The following KSR2 variants were observed in gnomAD, a reference collection of about 807,000 sequenced individuals.
KSR2 encodes the protein kinase suppressor of ras 2.
Under a neutral mutation model 107.8 loss-of-function variants are expected in KSR2, and 25 were observed. The observed-to-expected ratio is 0.23, with a 90% CI of 0.17 to 0.32. The LOEUF is 0.32. Among genes scored for constraint, KSR2 ranks in the 10% least tolerant of loss-of-function variants. The pLI, the probability that KSR2 is intolerant of heterozygous loss-of-function variation, is 1.00. For synonymous variants in KSR2, 480 were observed against 507.0 expected, an observed-to-expected ratio of 0.95 and a Z score of 0.71; for missense variants, 887 against 1,268.9, an observed-to-expected ratio of 0.70 and a Z score of 4.57.
At chr12:117,546,799 A>G (rs916709056) in intron 9 of KSR2, among the ~76,000 whole-genome samples, 1 of 152,134 alleles carries the variant, frequency 6.6e-6, no homozygotes, top group African/African-American at 2.4e-5. Context: ...TTCTAATTGT[A>G]TGTTCTAAAT....
At chr12:117,527,605 A>C (rs1213187965) in intron 12 of KSR2, among the ~76,000 whole-genome samples, 3 of 152,180 alleles carry the variant, frequency 2.0e-5, no homozygotes, top group African/African-American at 4.8e-5. Context: ...TTGTCTGTTC[A>C]TTCATGCATT....
chr12:117,915,683 C>T lies in KSR2; in HGVS notation c.180+52393G>A, dbSNP rs145641713. Among the ~76,000 whole-genome samples, 268 of 152,296 alleles carry T rather than the reference C, an allele frequency of 1.8e-3. 1 individual carries two copies. Among genetic ancestry groups the T allele is most frequent in the African/African-American group, 5.9e-3 (247 of 41,556 alleles). ...TGGATCCTGACAAGTTTAAAAACTT[C>T]GGCTCGAGATATATTCTAAAAATAT... On this transcript the variant is annotated intron_variant, in intron 1 of 19. Coordinates refer to ENST00000339824, the MANE Select transcript of KSR2 (RefSeq NM_173598.6).
At position 117,690,148 on chromosome 12, in the gene KSR2, C is replaced by T. The variant is rs185337255; in HGVS notation, c.987-22490G>A. 1.1e-3 allele frequency among the ~76,000 whole-genome samples: 161 copies of T among 152,302 alleles called. 1 individual carries two copies. The highest frequency in any genetic ancestry group is 6.8e-3 in the Middle Eastern group (2 of 294). On this transcript the variant is annotated intron_variant, in intron 4 of 19. Coordinates refer to ENST00000339824, the MANE Select transcript of KSR2 (RefSeq NM_173598.6). ...TGGTCCATGGCCACAGTCTTCCAAC[C>T]TCTGGTTTAGAATACCAAGTCCACG...
chr12:117,936,985 GC>G (rs1273930004), intron 1 of KSR2, among the ~76,000 whole-genome samples: 1 of 152,144 alleles, frequency 6.6e-6, no homozygotes, highest in Non-Finnish European at 1.5e-5. Flanking sequence ...TCCTCCATCT[GC>G]CCCCAGCCTC....
intron 3 of KSR2, among the ~76,000 whole-genome samples, chr12:117,803,755 C>T (rs1023857680): frequency 6.6e-6 from 1 of 152,174 alleles, no homozygotes; most frequent in Admixed American, 6.5e-5. Context: ...TTATTGAGCA[C>T]TAGCTACGAT....
chr12:117,534,975 C>T (rs112057277), intron 10 of KSR2, among the ~76,000 whole-genome samples: 125 of 152,256 alleles, frequency 8.2e-4, no homozygotes, highest in African/African-American at 2.6e-3. Flanking sequence ...CAATGAAGCC[C>T]GTTTTGGACA....
rs868667085 is a variant in KSR2, at chr12:117,524,945, C to T, written c.2126G>A (p.Arg709Gln). ...TGTCTGCCTGTAGGCCATCACCTCC[C>T]GCTTGAAGGCCTTGAGCTGGTCCTC... Reference protein sequence around the residue: ...DNEDQLKAFKREVMAYRQTRH... With the variant: ...DNEDQLKAFKQEVMAYRQTRH... Residue 709 changes from arginine (R) to glutamine (Q), a missense_variant, in exon 14 of 20, where the codon CGG becomes CAG. Transcript: ENST00000339824. 6 of 1,613,736 alleles carry T rather than the reference C, an allele frequency of 3.7e-6. No homozygotes were observed. Among genetic ancestry groups the T allele is most frequent in the Non-Finnish European group, 4.2e-6 (5 of 1,179,858 alleles).
intron 1 of KSR2, among the ~76,000 whole-genome samples, chr12:117,892,282 C>T (rs1462529578): frequency 1.3e-5 from 2 of 152,136 alleles, no homozygotes; most frequent in Non-Finnish European, 2.9e-5. Flanking sequence ...CCAGTCTGGG[C>T]AACAAGAGCA....
chr12:117,968,312 G>GGGC lies in KSR2; in HGVS notation c.-58_-57insGCC. ...TCCTCCCAGAGAGAAAAAAGAGGGG[G>GGGC]GGGAGTAGAGGTAGTCTACCCTCCG... is the stretch of plus-strand genomic sequence containing the variant. On this transcript the variant is annotated 5_prime_UTR_variant, in exon 1 of 20. Transcript: ENST00000339824. 1 of 1,453,450 alleles carries GGGC rather than the reference G, an allele frequency of 6.9e-7. No homozygotes were observed. The highest frequency in any genetic ancestry group is 1.4e-5 in the South Asian group (1 of 69,010). The allele number at this position is 1,453,450 out of a possible 1,614,324, so 90.0% of individuals were successfully genotyped here. A position where few individuals can be genotyped will look rare whatever the true frequency, so the allele number is the denominator to read the frequency against.
At chr12:117,839,238 TTTG>T (rs2137151321) in intron 3 of KSR2, among the ~76,000 whole-genome samples, 1 of 152,362 alleles carries the variant, frequency 6.6e-6, no homozygotes, top group South Asian at 2.1e-4. Flanking sequence ...TGACAGTTCA[TTTG>T]TTCGTTAATT....
At chr12:117,659,855 T>A (rs1884351180) in intron 5 of KSR2, among the ~76,000 whole-genome samples, 1 of 152,216 alleles carries the variant, frequency 6.6e-6, no homozygotes, top group Non-Finnish European at 1.5e-5. Context: ...GTATAATTGG[T>A]TGCTAACATT....
At chr12:117,679,121 C>G (rs1885260914) in intron 4 of KSR2, among the ~76,000 whole-genome samples, 2 of 152,188 alleles carry the variant, frequency 1.3e-5, no homozygotes, top group Non-Finnish European at 2.9e-5. Context: ...CTTCACTCTC[C>G]TAGGACCCAG....
chr12:117,517,978 CTAT>C, intron 14 of KSR2: 1 of 406,758 alleles, frequency 2.5e-6, no homozygotes, highest in South Asian at 1.8e-5. Flanking sequence ...CAGCTTGGTG[CTAT>C]TATATTTGAA....
At chr12:117,909,412 C>T (rs1593360682) in intron 1 of KSR2, among the ~76,000 whole-genome samples, 2 of 152,282 alleles carry the variant, frequency 1.3e-5, no homozygotes, top group East Asian at 3.9e-4. Flanking sequence ...TTTCCTTCCA[C>T]GGCCCCCCAA....
chr12:117,584,989 G>A (rs1217912468), intron 5 of KSR2, among the ~76,000 whole-genome samples: 2 of 152,220 alleles, frequency 1.3e-5, no homozygotes, highest in Non-Finnish European at 2.9e-5. Context: ...AACCAGAGGA[G>A]TGCTCTTCCC....
In KSR2 at chr12:117,703,109, C is replaced by CAG. The variant is rs142282844; in HGVS notation, c.987-35453_987-35452dup. Reference sequence around the variant, plus strand: ...AAGAAAGCCAGGATCAAACCAGGGTCAGAGAGAGAGAGAGAGAGACAAAGA... The same window carrying CAG: ...AAGAAAGCCAGGATCAAACCAGGGTCAGAGAGAGAGAGAGAGAGAGACAAAGA... On this transcript the variant is annotated intron_variant, in intron 4 of 19. Coordinates refer to ENST00000339824, the MANE Select transcript of KSR2 (RefSeq NM_173598.6). Among the ~76,000 whole-genome samples the CAG allele has an allele frequency of 3.4e-3, 505 of 150,282 alleles. 1 individual carries two copies. The highest frequency in any genetic ancestry group is 0.011 in the African/African-American group (466 of 41,182).
intron 14 of KSR2, among the ~76,000 whole-genome samples, chr12:117,514,675 A>G: frequency 6.7e-6 from 1 of 150,322 alleles, no homozygotes; most frequent in East Asian, 2.0e-4. Flanking sequence ...CAGCCTCCCA[A>G]CTCGCTGGGA....
intron 3 of KSR2, among the ~76,000 whole-genome samples, chr12:117,764,131 T>C (rs1201248765): frequency 6.6e-6 from 1 of 151,944 alleles, no homozygotes; most frequent in Non-Finnish European, 1.5e-5. Context: ...ATATATTCAG[T>C]ACAGAAAAAT....
chr12:117,657,689 G>T (rs562760332), intron 5 of KSR2, among the ~76,000 whole-genome samples: 12 of 152,344 alleles, frequency 7.9e-5, no homozygotes, highest in African/African-American at 2.9e-4. Context: ...GCTCTGGAGG[G>T]CAACAAGTAG....
Sources: gnomAD v4.1 joint callset for allele counts (sites outside exome capture counted in the v4.1 genomes callset) on GRCh38, gnomAD v4.1.1 for gene constraint, MANE v1.5 for transcripts, NCBI Gene and HGNC (gene_info 2026-07-23, HGNC 2026-07-21) for gene names.